Variants in MTF2 observed in about 807,000 individuals in gnomAD.
The protein encoded by MTF2 is metal response element binding transcription factor 2, also known as metal-response element-binding transcription factor 2.
In MTF2, 11 loss-of-function variants were observed where a neutral mutation model predicts 79.5. The observed-to-expected ratio is 0.14, with a 90% CI of 0.09 to 0.23. The LOEUF is 0.23. MTF2 is among the 10% of genes least tolerant of loss of function. The probability of loss-of-function intolerance (pLI) is 1.00; values close to 1 mark genes in which losing one functional copy is unlikely to be tolerated. For missense variants in MTF2, 486 were observed against 711.2 expected (o/e 0.68, Z 3.60); for synonymous variants, 208 against 232.8 (o/e 0.89, Z 0.97).
chr1:93,081,819 T>G (rs1189230780), intron 1 of MTF2, among the ~76,000 whole-genome samples: 1 of 152,188 alleles, frequency 6.6e-6, no homozygotes, highest in Non-Finnish European at 1.5e-5. Flanking sequence ...TCATTAAAAC[T>G]AAAATTTAAA....
At chr1:93,093,773 T>C (rs975226959) in intron 1 of MTF2, among the ~76,000 whole-genome samples, 1 of 152,148 alleles carries the variant, frequency 6.6e-6, no homozygotes, top group African/African-American at 2.4e-5. Context: ...TTCACAGGCA[T>C]GATCATAGTA....
chr1:93,079,469 G>T lies in MTF2; in HGVS notation c.-58G>T. On this transcript the variant is annotated 5_prime_UTR_variant, in exon 1 of 15. Transcript: ENST00000370298. The stretch of plus-strand genomic sequence containing the variant: ...TCGGACTCGCAGGGGAAGCGCCCAC[G>T]GGGACGGATTGGTTGTTTTTTCCTG... 6.2e-7 allele frequency: 1 copy of T among 1,612,766 alleles called. No homozygotes were observed. Among genetic ancestry groups the T allele is most frequent in the Non-Finnish European group, 8.5e-7 (1 of 1,179,258 alleles).
At chr1:93,131,510 C>T (rs1656916186) in intron 11 of MTF2, among the ~76,000 whole-genome samples, 2 of 151,668 alleles carry the variant, frequency 1.3e-5, no homozygotes, top group Non-Finnish European at 2.9e-5. Flanking sequence ...CAGGCAGATT[C>T]AAAATAATAA....
intron 14 of MTF2, among the ~76,000 whole-genome samples, chr1:93,135,558 G>C (rs1647355753): frequency 6.6e-6 from 1 of 152,052 alleles, no homozygotes; most frequent in South Asian, 2.1e-4. Flanking sequence ...TTTTGGCTGG[G>C]TGTGGTGGCT....
intron 1 of MTF2, among the ~76,000 whole-genome samples, chr1:93,109,582 G>A (rs993320074): frequency 1.2e-4 from 19 of 152,218 alleles, no homozygotes; most frequent in African/African-American, 4.3e-4. Flanking sequence ...TGATCCACCC[G>A]CCTCAGCCTC....
chr1:93,116,347 C>A (rs1339532326), intron 6 of MTF2, among the ~76,000 whole-genome samples: 1 of 151,692 alleles, frequency 6.6e-6, no homozygotes, highest in Non-Finnish European at 1.5e-5. Context: ...TCTTCCAGAA[C>A]TTTTTCTTTG....
At chr1:93,096,393 A>G (rs1190039686) in intron 1 of MTF2, among the ~76,000 whole-genome samples, 1 of 152,012 alleles carries the variant, frequency 6.6e-6, no homozygotes, top group African/African-American at 2.4e-5. Flanking sequence ...TCCAAACCAG[A>G]TTTTCTGAGC....
intron 1 of MTF2, among the ~76,000 whole-genome samples, chr1:93,095,560 C>T (rs2391227): frequency 0.16 from 24,651 of 151,800 alleles, 2,221 homozygotes; most frequent in African/African-American, 0.21. Context: ...AGGATGGTCT[C>T]GAACTCCTGA....
chr1:93,125,728 A>G (rs1025594391), intron 9 of MTF2, among the ~76,000 whole-genome samples: 4 of 152,080 alleles, frequency 2.6e-5, no homozygotes, highest in African/African-American at 9.6e-5. Context: ...CAGGAAGAAG[A>G]CAGAGTTAGT....
At chr1:93,128,073 T>G (rs1040617238) in intron 10 of MTF2, among the ~76,000 whole-genome samples, 4 of 152,126 alleles carry the variant, frequency 2.6e-5, no homozygotes, top group Admixed American at 2.0e-4. Flanking sequence ...ATGAGGTACC[T>G]GATATGACCT....
At chr1:93,124,266 A>T (rs1656605300) in intron 9 of MTF2, among the ~76,000 whole-genome samples, 1 of 152,098 alleles carries the variant, frequency 6.6e-6, no homozygotes, top group South Asian at 2.1e-4. Context: ...TCTTTGAGAT[A>T]GTAAAAATAC....
At chr1:93,128,966 A>G (rs1473485725) in intron 10 of MTF2, 1 of 186,664 alleles carries the variant, frequency 5.4e-6, no homozygotes. Context: ...TAAATATGGG[A>G]AAGCATATTG....
intron 1 of MTF2, among the ~76,000 whole-genome samples, chr1:93,102,393 G>A (rs1304348401): frequency 6.6e-6 from 1 of 151,818 alleles, no homozygotes; most frequent in Non-Finnish European, 1.5e-5. Flanking sequence ...GAGCTCAGGA[G>A]TTTGAGACCT....
At chr1:93,121,960 C>A (rs1366112249) in intron 9 of MTF2, among the ~76,000 whole-genome samples, 1 of 152,080 alleles carries the variant, frequency 6.6e-6, no homozygotes, top group African/African-American at 2.4e-5. Context: ...TGCCACCATA[C>A]CCAGCTAATT....
rs1352120665 is a variant in MTF2 at position 93,136,758 on chromosome 1, A to G, written c.1513A>G (p.Arg505Gly). ...HLRRRRGRLPRRALQTQNSEI... is the reference protein window; with the variant it reads ...HLRRRRGRLPGRALQTQNSEI... ...GCGGAGAAGAAGAGGTCGTCTTCCA[A>G]GAAGAGCACTCCAGACTCAGAACTC... Residue 505 changes from arginine to glycine, a missense_variant, in exon 15 of 15, where the codon AGA (arginine) becomes GGA (glycine). Physicochemically the swap from Arg to Gly is moderately radical, Grantham distance 125 (BLOSUM62 -2). This residue lies in a region of MTF2 where 209 missense variants were observed against 206.5 expected (regional missense o/e 1.01). Transcript: ENST00000370298. 1 of 1,614,200 alleles carries G rather than the reference A, an allele frequency of 6.2e-7. No homozygotes were observed. Among genetic ancestry groups the G allele is most frequent in the Non-Finnish European group, 8.5e-7 (1 of 1,180,028 alleles).
chr1:93,081,512 A>G (rs150794718), intron 1 of MTF2, among the ~76,000 whole-genome samples: 462 of 152,368 alleles, frequency 3.0e-3, no homozygotes, highest in Middle Eastern at 6.8e-3. Context: ...TGTTTTAGTT[A>G]GTCGACACTT....
intron 9 of MTF2, among the ~76,000 whole-genome samples, chr1:93,125,070 G>A (rs1656636605): frequency 6.6e-6 from 1 of 151,972 alleles, no homozygotes; most frequent in South Asian, 2.1e-4. Context: ...CTGAGAAACG[G>A]TAGGGAGTAA....
chr1:93,127,176 T>C (rs1043326390), intron 9 of MTF2, 56 bp from the exon 10 acceptor site: 2 of 1,197,354 alleles, frequency 1.7e-6, no homozygotes, highest in Non-Finnish European at 2.5e-6. Flanking sequence ...CTAGCACCTG[T>C]ATATTACTAA....
intron 1 of MTF2, among the ~76,000 whole-genome samples, chr1:93,089,628 G>T (rs549370953): frequency 1.3e-5 from 2 of 152,176 alleles, no homozygotes; most frequent in South Asian, 4.1e-4. Flanking sequence ...ACTGTATCAC[G>T]GTAGCGTTTG....
Sources: gnomAD v4.1 joint callset for allele counts (sites outside exome capture counted in the v4.1 genomes callset) on GRCh38, gnomAD v4.1.1 for gene constraint, gnomAD v4.1.1 regional missense constraint, MANE v1.5 for transcripts, NCBI Gene and HGNC (gene_info 2026-07-23, HGNC 2026-07-21) for gene names.